The following PAPPA2 variants were observed in gnomAD, a reference collection of about 807,000 sequenced individuals.
PAPPA2 encodes pappalysin 2.
Under a neutral mutation model 176.4 loss-of-function variants are expected in PAPPA2, and 86 were observed. That is an observed-to-expected ratio of 0.49 (90% CI 0.41 to 0.58). The LOEUF is 0.58. PAPPA2 is among the 20% of genes least tolerant of loss of function. The pLI is 0.00. For synonymous variants in PAPPA2, 809 were observed against 852.2 expected (o/e 0.95, Z 0.88); for missense variants, 2,073 against 2,256.9 (o/e 0.92, Z 1.65).
At chr1:176,719,731 A>G (rs1303932848) in intron 12 of PAPPA2, among the ~76,000 whole-genome samples, 1 of 152,066 alleles carries the variant, frequency 6.6e-6, no homozygotes, top group Non-Finnish European at 1.5e-5. Flanking sequence ...AACTCCATTT[A>G]TCTTTGATTC....
intron 2 of PAPPA2, among the ~76,000 whole-genome samples, chr1:176,581,041 C>T (rs1037978697): frequency 7.2e-5 from 11 of 152,154 alleles, no homozygotes; most frequent in Non-Finnish European, 1.2e-4. Flanking sequence ...TTTTCCCAAA[C>T]CAACATCCTG....
chr1:176,764,418 C>T (rs1165316774), intron 14 of PAPPA2, among the ~76,000 whole-genome samples: 3 of 152,138 alleles, frequency 2.0e-5, no homozygotes, highest in East Asian at 3.9e-4. Context: ...TAATTATCCC[C>T]GTCTTATAGG....
chr1:176,810,787 C>T (rs1187756162), intron 21 of PAPPA2, among the ~76,000 whole-genome samples: 1 of 152,206 alleles, frequency 6.6e-6, no homozygotes, highest in East Asian at 1.9e-4. Context: ...TCAGTTTTAC[C>T]AGGCCTTTCA....
At chr1:176,505,682 C>T (rs536071654) in intron 1 of PAPPA2, among the ~76,000 whole-genome samples, 20 of 151,864 alleles carry the variant, frequency 1.3e-4, no homozygotes, top group African/African-American at 4.6e-4. Flanking sequence ...CAACAAAAAG[C>T]CTGAATAGCC....
At chr1:176,566,504 A>G (rs1313888582) in intron 2 of PAPPA2, among the ~76,000 whole-genome samples, 1 of 152,162 alleles carries the variant, frequency 6.6e-6, no homozygotes, top group Non-Finnish European at 1.5e-5. Context: ...TGGCACCATT[A>G]GCTGCTCACC....
intron 14 of PAPPA2, among the ~76,000 whole-genome samples, chr1:176,742,437 A>C (rs550959866): frequency 3.9e-5 from 6 of 152,304 alleles, no homozygotes; most frequent in African/African-American, 1.4e-4. Context: ...ACTTCTTCTC[A>C]TGTGGCACTG....
intron 4 of PAPPA2, among the ~76,000 whole-genome samples, chr1:176,678,951 T>C (rs1659446882): frequency 1.3e-5 from 2 of 151,996 alleles, no homozygotes; most frequent in Non-Finnish European, 2.9e-5. Context: ...AAGAAGAGAA[T>C]TGTGAGCACA....
chr1:176,525,565 A>C (rs1649456382), intron 1 of PAPPA2, among the ~76,000 whole-genome samples: 1 of 152,224 alleles, frequency 6.6e-6, no homozygotes, highest in African/African-American at 2.4e-5. Flanking sequence ...ATTAAAAAAA[A>C]TCCAGATTTC....
chr1:176,615,435 C>G (rs1208859247), intron 3 of PAPPA2, among the ~76,000 whole-genome samples: 1 of 152,150 alleles, frequency 6.6e-6, no homozygotes, highest in Admixed American at 6.5e-5. Flanking sequence ...CTCAGCCTCC[C>G]GAGTAGCTGG....
At chr1:176,628,548 TGTGA>T (rs1656163172) in intron 3 of PAPPA2, among the ~76,000 whole-genome samples, 1 of 152,170 alleles carries the variant, frequency 6.6e-6, no homozygotes, top group African/African-American at 2.4e-5. Context: ...AAAAGCCTTT[TGTGA>T]GTGTTTGTAT....
At chr1:176,724,382 A>G (rs1044082033) in intron 12 of PAPPA2, among the ~76,000 whole-genome samples, 1 of 152,242 alleles carries the variant, frequency 6.6e-6, no homozygotes, top group African/African-American at 2.4e-5. Context: ...TCTAAGTAAT[A>G]TAGACAACAA....
chr1:176,775,860 T>G (rs1269596373), intron 17 of PAPPA2, among the ~76,000 whole-genome samples: 1 of 152,184 alleles, frequency 6.6e-6, no homozygotes, highest in African/African-American at 2.4e-5. Context: ...TTTTTAAAAT[T>G]TTTGTAGCAA....
At chr1:176,470,485 A>G (rs982164754) in intron 1 of PAPPA2, among the ~76,000 whole-genome samples, 1 of 152,176 alleles carries the variant, frequency 6.6e-6, no homozygotes, top group African/African-American at 2.4e-5. Context: ...AAGGCAGATC[A>G]GAAGGACATG....
intron 17 of PAPPA2, among the ~76,000 whole-genome samples, chr1:176,786,307 C>G (rs923078715): frequency 2.6e-5 from 4 of 151,974 alleles, no homozygotes; most frequent in African/African-American, 9.7e-5. Context: ...TAAAACCAGG[C>G]AAAACTCCTC....
In PAPPA2 at chr1:176,739,722, C is replaced by T; in HGVS notation, c.3895C>T (p.Leu1299Phe). 1 of 1,613,758 alleles carries T rather than the reference C, an allele frequency of 6.2e-7. No homozygotes were observed. The highest frequency in any genetic ancestry group is 8.5e-7 in the Non-Finnish European group (1 of 1,179,822). Residue 1299 changes from leucine (L) to phenylalanine (F), a missense_variant, in exon 13 of 23, where the codon CTC becomes TTC. This residue lies in a region of PAPPA2 where 846 missense variants were observed against 857.9 expected (regional missense o/e 0.99). Coordinates refer to ENST00000367662, the MANE Select transcript of PAPPA2 (RefSeq NM_020318.3). ...AGAGCATCAGCAGCCGACAGTGACT[C>T]TCTACCTGACCGATGTCCGTGGAAG... ...PGEHQQPTVTLYLTDVRGSNH... is the reference protein window; with the variant it reads ...PGEHQQPTVTFYLTDVRGSNH...
intron 1 of PAPPA2, among the ~76,000 whole-genome samples, chr1:176,501,556 C>A (rs1044618881): frequency 4.6e-5 from 7 of 152,124 alleles, no homozygotes; most frequent in African/African-American, 1.7e-4. Context: ...GTACTACTGC[C>A]CCCTTGGCAC....
At chr1:176,477,086 C>T (rs1652162921) in intron 1 of PAPPA2, among the ~76,000 whole-genome samples, 1 of 152,212 alleles carries the variant, frequency 6.6e-6, no homozygotes, top group Non-Finnish European at 1.5e-5. Context: ...GCCTTTCAAT[C>T]TCATCTAACT....
At chr1:176,495,510 A>T (rs1270150696) in intron 1 of PAPPA2, among the ~76,000 whole-genome samples, 1 of 151,040 alleles carries the variant, frequency 6.6e-6, no homozygotes, top group Non-Finnish European at 1.5e-5. Flanking sequence ...ACTGCACTCC[A>T]GCCTGGCAAC....
At chr1:176,496,692 C>T (rs1209247078) in intron 1 of PAPPA2, among the ~76,000 whole-genome samples, 2 of 152,114 alleles carry the variant, frequency 1.3e-5, no homozygotes, top group Non-Finnish European at 2.9e-5. Flanking sequence ...AAATGATGAG[C>T]CACGGGAATC....
Sources: gnomAD v4.1 joint callset for allele counts (sites outside exome capture counted in the v4.1 genomes callset) on GRCh38, gnomAD v4.1.1 for gene constraint, gnomAD v4.1.1 regional missense constraint, MANE v1.5 for transcripts, NCBI Gene and HGNC (gene_info 2026-07-23, HGNC 2026-07-21) for gene names.